The following DNAJB8 variants were observed in gnomAD, a reference collection of about 807,000 sequenced individuals.
The protein encoded by DNAJB8 is dnaJ homolog subfamily B member 8.
For missense variants in DNAJB8, 354 were observed against 318.9 expected (o/e 1.11, Z -0.84); for synonymous variants, 127 against 127.1 (o/e 1.00, Z 0.00).
chr3:128,462,671 T>C lies in DNAJB8; in HGVS notation c.575A>G (p.His192Arg), dbSNP rs1449319628. ...CACGATGCGCTTGGTGGTGACCTTG[T>C]GGCCATTGATCATCTCGGTGGACGA... ...VMSSTEMING[H>R]KVTTKRIVEN... The change falls in exon 3 of 3, where the codon CAC (histidine) becomes CGC (arginine). Residue 192 changes from histidine (H) to arginine (R), a missense_variant. Physicochemically the swap from His to Arg is conservative, Grantham distance 29. Coordinates refer to ENST00000319153, the MANE Select transcript of DNAJB8 (RefSeq NM_153330.6). The C allele has an allele frequency of 1.2e-6, 2 of 1,613,898 alleles. No individual in the cohort carries two copies. Among genetic ancestry groups the C allele is most frequent in the Non-Finnish European group, 1.7e-6 (2 of 1,180,002 alleles).
chr3:128,464,783 C>T (rs900213410), intron 2 of DNAJB8, among the ~76,000 whole-genome samples: 12 of 111,398 alleles, frequency 1.1e-4, no homozygotes, highest in South Asian at 8.9e-4. Context: ...CTTCCTCCCT[C>T]CCTCCTTCCC....
chr3:128,462,879 G>A lies in DNAJB8; in HGVS notation c.367C>T (p.Arg123Cys), dbSNP rs374415635. ...EFWDSPFNSDRGGRGHGLRGA... is the reference protein window; with the variant it reads ...EFWDSPFNSDCGGRGHGLRGA... ...CTCAGGCCATGGCCCCGGCCACCACGGTCACTATTGAATGGGCTGTCCCAG... is the reference window on the plus strand; with the variant it reads ...CTCAGGCCATGGCCCCGGCCACCACAGTCACTATTGAATGGGCTGTCCCAG... The change falls in exon 3 of 3, where the codon CGT becomes TGT. Residue 123 changes from arginine to cysteine, a missense_variant. Coordinates refer to ENST00000319153, the MANE Select transcript of DNAJB8 (RefSeq NM_153330.6). The A allele has an allele frequency of 6.1e-5, 98 of 1,614,176 alleles. No individual in the cohort carries two copies. Among genetic ancestry groups the A allele is most frequent in the Middle Eastern group, 3.3e-4 (2 of 6,062 alleles).
Position 128,462,678 on chromosome 3 carries a change from T to A in DNAJB8, c.568A>T (p.Asn190Tyr). The A allele has an allele frequency of 6.2e-7, 1 of 1,614,060 alleles. No homozygotes were observed. Residue 190 changes from asparagine to tyrosine, a missense_variant, in exon 3 of 3, where the codon AAT (asparagine) becomes TAT (tyrosine). Coordinates refer to ENST00000319153, the MANE Select transcript of DNAJB8 (RefSeq NM_153330.6). ...KSVMSSTEMI[N>Y]GHKVTTKRIV... ...CGCTTGGTGGTGACCTTGTGGCCAT[T>A]GATCATCTCGGTGGACGACATCACC...
intron 2 of DNAJB8, among the ~76,000 whole-genome samples, chr3:128,464,400 G>C (rs907985711): frequency 2.0e-5 from 3 of 152,204 alleles, no homozygotes; most frequent in Non-Finnish European, 4.4e-5. Context: ...CCTCCAGAGG[G>C]AGTGCGGCCC....
Position 128,462,832 on chromosome 3 carries a change from A to G in DNAJB8, c.414T>C (p.Phe138=). ...HGLRGAFSAG[F]GEFPAFMEAF... ...CCTCCATGAAGGCCGGAAATTCTCC[A>G]AAGCCTGCCGAGAAGGCCCCCCTCA... Residue 138 remains phenylalanine, a synonymous_variant, in exon 3 of 3, where the codon TTT becomes TTC. Coordinates refer to ENST00000319153, the MANE Select transcript of DNAJB8 (RefSeq NM_153330.6). 6.2e-7 allele frequency: 1 copy of G among 1,614,162 alleles called. No homozygotes were observed. The highest frequency in any genetic ancestry group is 8.5e-7 in the Non-Finnish European group (1 of 1,180,018).
chr3:128,463,508 G>A lies in DNAJB8; in HGVS notation c.-263C>T, dbSNP rs1024190098. The A allele has an allele frequency of 7.8e-6, 3 of 383,912 alleles. No homozygotes were observed. The highest frequency in any genetic ancestry group is 4.5e-5 in the East Asian group (1 of 22,220). 23.8% of individuals were successfully genotyped at this position (383,912 alleles called of 1,614,324 possible). On this transcript the variant is annotated 5_prime_UTR_variant, in exon 3 of 3. Transcript: ENST00000319153. ...CCGCTGTGGGGCCAGGCCAGAGTGG[G>A]CTGCCCTCCAGAGCTCCTTTTATGA...
Position 128,462,595 on chromosome 3 carries a change from C to A in DNAJB8, c.651G>T (p.Ser217=). ...GCTGCTCCTTGCCGTTCACAGTCAC[C>A]GACTTGAGCTGCCCGTCTTCCTCCA... ...VEVEEDGQLK[S]VTVNGKEQLK... Residue 217 remains serine, a synonymous_variant, in exon 3 of 3, where the codon TCG becomes TCT. Coordinates refer to ENST00000319153, the MANE Select transcript of DNAJB8 (RefSeq NM_153330.6). 6.2e-7 allele frequency: 1 copy of A among 1,613,340 alleles called. No homozygotes were observed. Among genetic ancestry groups the A allele is most frequent in the Non-Finnish European group, 8.5e-7 (1 of 1,179,436 alleles).
At chr3:128,466,407 G>A (rs2107661959) in intron 1 of DNAJB8, 1 of 152,804 alleles carries the variant, frequency 6.5e-6, no homozygotes, top group Middle Eastern at 3.4e-3. Context: ...GGACACCCGT[G>A]GTGGTGATGG....
In DNAJB8 at chr3:128,463,069, G is replaced by A. The variant is rs769956876; in HGVS notation, c.177C>T (p.Ser59=). 25 of 1,614,080 alleles carry A rather than the reference G, an allele frequency of 1.5e-5. No individual in the cohort carries two copies. The African/African-American group carries it at 3.1e-4, about 20-fold the overall frequency. The change falls in exon 3 of 3, where the codon TCC becomes TCT. Residue 59 remains serine (S), a synonymous_variant. Coordinates refer to ENST00000319153, the MANE Select transcript of DNAJB8 (RefSeq NM_153330.6). ...VSEAYEVLSD[S]KKRSLYDRAG... is the part of the protein sequence containing the mutation. ...CACGGTCATACAGGGAGCGTTTCTTGGAGTCAGACAGAACCTCATAGGCCT... is the reference window on the plus strand; with the variant it reads ...CACGGTCATACAGGGAGCGTTTCTTAGAGTCAGACAGAACCTCATAGGCCT...
chr3:128,463,360 G>C lies in DNAJB8; in HGVS notation c.-115C>G. 1 of 916,482 alleles carries C rather than the reference G, an allele frequency of 1.1e-6. No individual in the cohort carries two copies. The highest frequency in any genetic ancestry group is 2.6e-5 in the Admixed American group (1 of 38,084). The allele number at this position is 916,482 out of a possible 1,614,324, so 56.8% of individuals were successfully genotyped here. A position where few individuals can be genotyped will look rare whatever the true frequency, so the allele number is the denominator to read the frequency against. On this transcript the variant is annotated 5_prime_UTR_variant, in exon 3 of 3. Transcript: ENST00000319153. Reference sequence around the variant, plus strand: ...GGTGGTCTGGGGCCCTTCAGCAGGGGCCTGGCTGGACTCCGCAAGCTCTAG... The same window carrying C: ...GGTGGTCTGGGGCCCTTCAGCAGGGCCCTGGCTGGACTCCGCAAGCTCTAG...
chr3:128,462,438 G>T lies in DNAJB8; in HGVS notation c.*109C>A. 1.6e-6 allele frequency: 2 copies of T among 1,240,852 alleles called. No individual in the cohort carries two copies. The highest frequency in any genetic ancestry group is 1.1e-6 in the Non-Finnish European group (1 of 892,288). 76.9% of individuals were successfully genotyped at this position (1,240,852 alleles called of 1,614,324 possible). On this transcript the variant is annotated 3_prime_UTR_variant, in exon 3 of 3. Coordinates refer to ENST00000319153, the MANE Select transcript of DNAJB8 (RefSeq NM_153330.6). ...CACAAAGCTGAGAAAGCTATGCCAT[G>T]AACTCACTTGGCACATTTATTAACC...
intron 2 of DNAJB8, among the ~76,000 whole-genome samples, chr3:128,464,874 TCCTC>T (rs1453410519): frequency 1.6e-5 from 2 of 127,302 alleles, no homozygotes; most frequent in East Asian, 5.2e-4. Flanking sequence ...TTCCTTCATT[TCCTC>T]CTTCCTTCCT....
rs1427997753 is a variant in DNAJB8 at position 128,463,494 on chromosome 3, C to T, written c.-249G>A. On this transcript the variant is annotated 5_prime_UTR_variant, in exon 3 of 3. Transcript: ENST00000319153. ...GGGGAGGGACACTGCCGCTGTGGGG[C>T]CAGGCCAGAGTGGGCTGCCCTCCAG... 1.9e-5 allele frequency: 8 copies of T among 420,878 alleles called. No individual in the cohort carries two copies. The highest frequency in any genetic ancestry group is 4.0e-5 in the East Asian group (1 of 24,910). 26.1% of individuals were successfully genotyped at this position (420,878 alleles called of 1,614,324 possible). A position where few individuals can be genotyped will look rare whatever the true frequency, so the allele number is the denominator to read the frequency against.
chr3:128,463,242 C>T lies in DNAJB8; in HGVS notation c.4G>A (p.Ala2Thr), dbSNP rs1207280208. 1 of 1,608,988 alleles carries T rather than the reference C, an allele frequency of 6.2e-7. No homozygotes were observed. Among genetic ancestry groups the T allele is most frequent in the Non-Finnish European group, 8.5e-7 (1 of 1,176,770 alleles). The change falls in exon 3 of 3, where the codon GCT (alanine) becomes ACT (threonine). Residue 2 changes from alanine (A) to threonine (T), a missense_variant. Ala to Thr is a moderately conservative substitution (Grantham distance 58). Transcript: ENST00000319153. Reference sequence around the variant, plus strand: ...ACGCCCAGCACTTCGTAGTAGTTAGCCATGGCCAGGGGTGTGGGTGAGAGG... The same window carrying T: ...ACGCCCAGCACTTCGTAGTAGTTAGTCATGGCCAGGGGTGTGGGTGAGAGG... M[A>T]NYYEVLGVQA...
chr3:128,465,756 C>G (rs2068508339), intron 1 of DNAJB8: 1 of 152,080 alleles, frequency 6.6e-6, no homozygotes, highest in Non-Finnish European at 1.5e-5. Flanking sequence ...GATGGTCATG[C>G]CAGAGGAGAT....
chr3:128,463,072 G>A lies in DNAJB8; in HGVS notation c.174C>T (p.Asp58=), dbSNP rs1291312845. Residue 58 remains aspartate (D), a synonymous_variant, in exon 3 of 3, where the codon GAC becomes GAT. Transcript: ENST00000319153. ...GGTCATACAGGGAGCGTTTCTTGGAGTCAGACAGAACCTCATAGGCCTCAG... is the reference window on the plus strand; with the variant it reads ...GGTCATACAGGGAGCGTTTCTTGGAATCAGACAGAACCTCATAGGCCTCAG... ...LVSEAYEVLS[D]SKKRSLYDRA... The A allele has an allele frequency of 1.2e-6, 2 of 1,614,120 alleles. No homozygotes were observed. Among genetic ancestry groups the A allele is most frequent in the Admixed American group, 3.3e-5 (2 of 60,016 alleles).
At position 128,462,807 on chromosome 3, in the gene DNAJB8, C is replaced by A. The variant is rs778557299; in HGVS notation, c.439G>T (p.Ala147Ser). 2 of 1,614,012 alleles carry A rather than the reference C, an allele frequency of 1.2e-6. No homozygotes were observed. The highest frequency in any genetic ancestry group is 1.7e-6 in the Non-Finnish European group (2 of 1,180,038). The change falls in exon 3 of 3, where the codon GCC becomes TCC. Residue 147 changes from alanine (A) to serine (S), a missense_variant. Coordinates refer to ENST00000319153, the MANE Select transcript of DNAJB8 (RefSeq NM_153330.6). ...CCCAGCATGTTGAAGGATGAGAAGG[C>A]CTCCATGAAGGCCGGAAATTCTCCA... ...GFGEFPAFME[A>S]FSSFNMLGCS...
chr3:128,463,149 CG>C lies in DNAJB8; in HGVS notation c.96del (p.Asp33ThrfsTer98), dbSNP rs766008763. On this transcript the variant is annotated frameshift_variant, in exon 3 of 3. Coordinates refer to ENST00000319153, the MANE Select transcript of DNAJB8 (RefSeq NM_153330.6). LOFTEE classifies it low-confidence loss of function (END_TRUNC). ...TCCTCCTTATTGTCAGGGTTCTTGTCGGGGTGCCAACGAAGGGCCAGCTTGC... is the reference window on the plus strand; with the variant it reads ...TCCTCCTTATTGTCAGGGTTCTTGTCGGGTGCCAACGAAGGGCCAGCTTGC... Reference protein sequence around the residue: ...AYRKLALRWHPDKNPDNKEEA... With the variant: ...AYRKLALRWHXDKNPDNKEEA... 2.5e-6 allele frequency: 4 copies of C among 1,614,170 alleles called. No homozygotes were observed. Among genetic ancestry groups the C allele is most frequent in the Non-Finnish European group, 2.5e-6 (3 of 1,180,020 alleles).
In DNAJB8 at chr3:128,463,515, T is replaced by G; in HGVS notation, c.-270A>C. On this transcript the variant is annotated 5_prime_UTR_variant, in exon 3 of 3. Coordinates refer to ENST00000319153, the MANE Select transcript of DNAJB8 (RefSeq NM_153330.6). Reference sequence around the variant, plus strand: ...GGGGCCAGGCCAGAGTGGGCTGCCCTCCAGAGCTCCTTTTATGACGTCAGC... The same window carrying G: ...GGGGCCAGGCCAGAGTGGGCTGCCCGCCAGAGCTCCTTTTATGACGTCAGC... The G allele has an allele frequency of 2.9e-6, 1 of 344,456 alleles. No individual in the cohort carries two copies. The allele number at this position is 344,456 out of a possible 1,614,324, so 21.3% of individuals were successfully genotyped here.
Sources: allele counts gnomAD v4.1 joint callset (sites outside exome capture counted in the v4.1 genomes callset), GRCh38; gene constraint gnomAD v4.1.1; transcripts MANE v1.5; gene names NCBI Gene and HGNC (gene_info 2026-07-23, HGNC 2026-07-21).